WWP2: variants seen among roughly 807,000 people sequenced by gnomAD.
WWP2 encodes the protein WW domain containing E3 ubiquitin protein ligase 2, also known as NEDD4-like E3 ubiquitin-protein ligase WWP2.
Under a neutral mutation model 121.0 loss-of-function variants are expected in WWP2, and 57 were observed. The observed-to-expected ratio is 0.47, with a 90% confidence interval of 0.38 to 0.59. WWP2 has a LOEUF of 0.59. Ranked by LOEUF, WWP2 falls within the 20% of genes least tolerant of loss-of-function variation. WWP2 has a pLI of 0.00. For synonymous variants in WWP2, 449 were observed against 441.3 expected, an observed-to-expected ratio of 1.02 and a Z score of -0.22; for missense variants, 962 against 1,158.9, an observed-to-expected ratio of 0.83 and a Z score of 2.47.
chr16:69,851,257 A>G (rs1431417336), intron 6 of WWP2, among the ~76,000 whole-genome samples: 1 of 151,552 alleles, frequency 6.6e-6, no homozygotes, highest in African/African-American at 2.4e-5. Context: ...GACTCAAGTG[A>G]TCCACGTGCC....
intron 9 of WWP2, chr16:69,909,722 CA>C (rs966785280): frequency 1.1e-5 from 11 of 979,474 alleles, no homozygotes; most frequent in Non-Finnish European, 1.3e-5. Context: ...AAACAAACAA[CA>C]AAAAAACAGG....
rs2058788224 is a variant in WWP2, at chr16:69,935,766, G to A, written c.1843-87G>A. The A allele has an allele frequency of 1.3e-6, 2 of 1,519,192 alleles. No individual in the cohort carries two copies. The highest frequency in any genetic ancestry group is 2.6e-5 in the South Asian group (2 of 76,270). 94.1% of individuals were successfully genotyped at this position (1,519,192 alleles called of 1,614,324 possible). A position where few individuals can be genotyped will look rare whatever the true frequency, so the allele number is the denominator to read the frequency against. The stretch of plus-strand genomic sequence containing the variant: ...CAGGGAAGGAAGGCGGGTAGCGGTA[G>A]CAGAGTTTGATACCGAGCATCTGAG... On this transcript the variant is annotated intron_variant, in intron 17 of 23. Transcript: ENST00000359154. The surrounding 1 kb of genome is among the most constrained non-coding windows in gnomAD (Gnocchi z 5.2).
intron 8 of WWP2, among the ~76,000 whole-genome samples, chr16:69,902,036 A>T (rs181710775): frequency 6.6e-6 from 1 of 152,234 alleles, no homozygotes; most frequent in Non-Finnish European, 1.5e-5. Context: ...GCTTAATCCT[A>T]TTCTTGGTGA....
intron 4 of WWP2, among the ~76,000 whole-genome samples, chr16:69,827,466 A>C (rs1258167311): frequency 6.6e-6 from 1 of 152,194 alleles, no homozygotes; most frequent in South Asian, 2.1e-4. Flanking sequence ...CACTAATCCA[A>C]ATCTTAATTG....
At chr16:69,931,416 C>A in intron 14 of WWP2, 93 bp from the exon 15 acceptor site, 1 of 1,547,004 alleles carries the variant, frequency 6.5e-7, no homozygotes, top group Non-Finnish European at 8.9e-7. Flanking sequence ...TGCCTCCTGG[C>A]CCAGCAGGCT....
intron 4 of WWP2, among the ~76,000 whole-genome samples, chr16:69,813,166 T>C (rs2151833914): frequency 6.6e-6 from 1 of 151,896 alleles, no homozygotes; most frequent in East Asian, 1.9e-4. Flanking sequence ...GTGTAATTTT[T>C]TTTTTTTTTT....
rs1238025556 is a variant in WWP2, at chr16:69,800,571, T to A, written c.340+1276T>A. On this transcript the variant is annotated intron_variant, in intron 4 of 23. Coordinates refer to ENST00000359154, the MANE Select transcript of WWP2 (RefSeq NM_001270454.2). ...CTAGTAATAGTTATTGTTTTTTCTT[T>A]TTTTTTTTTTTGAGATGGAGTCTTA... 2.7e-5 allele frequency among the ~76,000 whole-genome samples: 4 copies of A among 149,148 alleles called. No homozygotes were observed. In the East Asian group the frequency reaches 7.8e-4, roughly 29 times the overall value.
At chr16:69,775,997 A>C (rs2055518347) in intron 1 of WWP2, among the ~76,000 whole-genome samples, 1 of 151,872 alleles carries the variant, frequency 6.6e-6, no homozygotes, top group South Asian at 2.1e-4. Context: ...TTCCCTAAAA[A>C]CTCCTTCTTA....
chr16:69,931,826 C>A lies in WWP2; in HGVS notation c.1618C>A (p.Leu540Met), dbSNP rs773352487. 24 of 1,613,650 alleles carry A rather than the reference C, an allele frequency of 1.5e-5. No homozygotes were observed. The highest frequency in any genetic ancestry group is 2.0e-5 in the Non-Finnish European group (24 of 1,180,030). ...GATCATGAACATGAAACCCTATGACCTGCGCCGCCGGCTCTACATCATCAT... is the reference window on the plus strand; with the variant it reads ...GATCATGAACATGAAACCCTATGACATGCGCCGCCGGCTCTACATCATCAT... ...QQIMNMKPYD[L>M]RRRLYIIMRG... The change falls in exon 16 of 24, where the codon CTG (leucine) becomes ATG (methionine). Residue 540 changes from leucine to methionine, a missense_variant. By Grantham distance (15) the Leu-to-Met change is conservative. Transcript: ENST00000359154.
At chr16:69,814,699 C>G (rs2056456820) in intron 4 of WWP2, among the ~76,000 whole-genome samples, 3 of 152,180 alleles carry the variant, frequency 2.0e-5, no homozygotes, top group Non-Finnish European at 2.9e-5. Flanking sequence ...ACTTTACATT[C>G]CAAGAACAGA....
chr16:69,906,165 C>T lies in WWP2; in HGVS notation c.915-2596C>T, dbSNP rs532985191. 2.3e-4 allele frequency among the ~76,000 whole-genome samples: 35 copies of T among 151,996 alleles called. No homozygotes were observed. In the East Asian group the frequency reaches 2.3e-3, roughly 10 times the overall value. On this transcript the variant is annotated intron_variant, in intron 8 of 23. Transcript: ENST00000359154. Reference sequence around the variant, plus strand: ...TTAGCTCACTGCAAGCTCCGCCTTCCGGGTTCACGCCATTCTCCTCCCTCA... The same window carrying T: ...TTAGCTCACTGCAAGCTCCGCCTTCTGGGTTCACGCCATTCTCCTCCCTCA...
At chr16:69,801,035 A>G (rs2056153348) in intron 4 of WWP2, among the ~76,000 whole-genome samples, 1 of 148,426 alleles carries the variant, frequency 6.7e-6, no homozygotes, top group African/African-American at 2.4e-5. Context: ...AGAAAAATAC[A>G]ACAATTACCC....
At chr16:69,792,443 G>A (rs571422019) in intron 2 of WWP2, among the ~76,000 whole-genome samples, 103 of 150,840 alleles carry the variant, frequency 6.8e-4, no homozygotes, top group African/African-American at 2.3e-3. Flanking sequence ...ACATAAAGTC[G>A]TGACTCTGTG....
At chr16:69,889,732 T>A (rs2057991867) in intron 8 of WWP2, among the ~76,000 whole-genome samples, 1 of 152,114 alleles carries the variant, frequency 6.6e-6, no homozygotes, top group Admixed American at 6.6e-5. Context: ...TTTCACTGCC[T>A]CTCCTGGTTA....
chr16:69,856,089 T>C (rs2057306125), intron 6 of WWP2, among the ~76,000 whole-genome samples: 1 of 152,126 alleles, frequency 6.6e-6, no homozygotes, highest in Non-Finnish European at 1.5e-5. Flanking sequence ...CTGGGCAGCA[T>C]AACAAGACTC....
chr16:69,888,120 G>C lies in WWP2; in HGVS notation c.785G>C (p.Ser262Thr), dbSNP rs765584431. Residue 262 changes from serine to threonine, a missense_variant, in exon 8 of 24, where the codon AGT becomes ACT. Physicochemically the swap from Ser to Thr is moderately conservative, Grantham distance 58. Coordinates refer to ENST00000359154, the MANE Select transcript of WWP2 (RefSeq NM_001270454.2). ...GVTSPPAAPL[S>T]VTPNPNTTSL... ...ACGTCCCCACCTGCTGCACCCTTGAGTGTGACCCCGAATCCCAACACGACT... is the reference window on the plus strand; with the variant it reads ...ACGTCCCCACCTGCTGCACCCTTGACTGTGACCCCGAATCCCAACACGACT... The C allele has an allele frequency of 8.1e-6, 13 of 1,614,194 alleles. No homozygotes were observed. The East Asian group carries it at 2.7e-4, about 33-fold the overall frequency.
intron 3 of WWP2, 64 bp downstream of exon 3, chr16:69,798,893 G>C: frequency 6.3e-7 from 1 of 1,589,398 alleles, no homozygotes. Context: ...TGCTCCGAGG[G>C]GGTTGTGGGA....
Position 69,888,059 on chromosome 16 carries a change from G to A in WWP2, c.724G>A (p.Ala242Thr). The change falls in exon 8 of 24, where the codon GCC (alanine) becomes ACC (threonine). Residue 242 changes from alanine (A) to threonine (T), a missense_variant. This residue lies in a region of WWP2 where 211 missense variants were observed against 196.5 expected (regional missense o/e 1.07). Transcript: ENST00000359154. ...NGTVNDEPTT[A>T]TDPEEPSVVG... ...TTCAGTGAATGATGAACCCACAACA[G>A]CCACTGATCCCGAAGAACCTTCCGT... 1.2e-6 allele frequency: 2 copies of A among 1,614,200 alleles called. No individual in the cohort carries two copies. The highest frequency in any genetic ancestry group is 1.7e-6 in the Non-Finnish European group (2 of 1,180,038).
At chr16:69,804,654 A>G (rs552906125) in intron 4 of WWP2, among the ~76,000 whole-genome samples, 2 of 151,914 alleles carry the variant, frequency 1.3e-5, no homozygotes, top group South Asian at 2.1e-4. Context: ...TTTTCTTTGC[A>G]TATATCACAT....
Sources: allele counts gnomAD v4.1 joint callset (sites outside exome capture counted in the v4.1 genomes callset), GRCh38; gene constraint gnomAD v4.1.1; regional missense constraint gnomAD v4.1.1; non-coding constraint Gnocchi (gnomAD v3.1); transcripts MANE v1.5; gene names NCBI Gene and HGNC (gene_info 2026-07-23, HGNC 2026-07-21).